RABGAP1L: variants seen among roughly 807,000 people sequenced by gnomAD.
RABGAP1L encodes RAB GTPase activating protein 1 like, also known as rab GTPase-activating protein 1-like.
RABGAP1L carries 63 observed loss-of-function variants against 137.7 expected under a neutral mutation model. That is an observed-to-expected ratio of 0.46 (90% CI 0.37 to 0.56). The LOEUF is 0.56. Among genes scored for constraint, RABGAP1L ranks in the 20% least tolerant of loss-of-function variants. The pLI is 0.00. For synonymous variants in RABGAP1L, 431 were observed against 433.7 expected (o/e 0.99, Z 0.08); for missense variants, 1,095 against 1,244.0 (o/e 0.88, Z 1.80).
At chr1:174,618,748 A>G (rs2148255872) in intron 13 of RABGAP1L, among the ~76,000 whole-genome samples, 1 of 152,266 alleles carries the variant, frequency 6.6e-6, no homozygotes, top group Admixed American at 6.5e-5. Flanking sequence ...TCCTCCTCCA[A>G]AAACGCAGCT....
At chr1:174,495,759 A>G (rs1362257344) in intron 13 of RABGAP1L, among the ~76,000 whole-genome samples, 1 of 152,220 alleles carries the variant, frequency 6.6e-6, no homozygotes, top group Non-Finnish European at 1.5e-5. Flanking sequence ...GGTAGATATT[A>G]CTTCAGTTCC....
chr1:174,553,542 A>G (rs1409197292), intron 13 of RABGAP1L, among the ~76,000 whole-genome samples: 4 of 152,162 alleles, frequency 2.6e-5, no homozygotes, highest in African/African-American at 9.7e-5. Flanking sequence ...TCTTCCAGAA[A>G]AGAGAAGAGG....
At position 174,220,984 on chromosome 1, in the gene RABGAP1L, G is replaced by A. The variant is rs751936854; in HGVS notation, c.151G>A (p.Gly51Ser). ...GCTGTGTCTGTAGATAGTTTCTAAT[G>A]GTGATGAACAATTGGAAAAAGCCAT... is the stretch of plus-strand genomic sequence containing the variant. ...EKPQLKIVSN[G>S]DEQLEKAMEE... Residue 51 changes from glycine (G) to serine (S), a missense_variant, in exon 3 of 26, where the codon GGT becomes AGT. By Grantham distance (56) the Gly-to-Ser change is moderately conservative. Around this residue, in one of 4 missense-constraint regions of RABGAP1L, gnomAD observed 356 missense variants for 326.3 expected, o/e 1.09. Coordinates refer to ENST00000681986, the MANE Select transcript of RABGAP1L (RefSeq NM_001366446.1). The A allele has an allele frequency of 2.5e-6, 4 of 1,609,648 alleles. No homozygotes were observed. In the South Asian group the frequency reaches 4.4e-5, roughly 18 times the overall value.
At chr1:174,346,149 G>C (rs544432020) in intron 11 of RABGAP1L, among the ~76,000 whole-genome samples, 1 of 152,170 alleles carries the variant, frequency 6.6e-6, no homozygotes, top group South Asian at 2.1e-4. Context: ...GGTTTGCCTA[G>C]CATTTTGTTG....
chr1:174,252,676 T>G lies in RABGAP1L; in HGVS notation c.986+86T>G, dbSNP rs565967999. Reference sequence around the variant, plus strand: ...TGCATTGCTCAGTGTGGCTTTTCACTATACTTCATTTTCTCCAATTAAAAA... The same window carrying G: ...TGCATTGCTCAGTGTGGCTTTTCACGATACTTCATTTTCTCCAATTAAAAA... On this transcript the variant is annotated intron_variant, in intron 7 of 25. Transcript: ENST00000681986. 2.5e-5 allele frequency: 38 copies of G among 1,505,492 alleles called. No homozygotes were observed. The African/African-American group carries it at 5.3e-4, about 21-fold the overall frequency. 93.3% of individuals were successfully genotyped at this position (1,505,492 alleles called of 1,614,324 possible).
chr1:174,647,327 T>C (rs904782807), intron 14 of RABGAP1L, among the ~76,000 whole-genome samples: 1 of 152,186 alleles, frequency 6.6e-6, no homozygotes, highest in African/African-American at 2.4e-5. Context: ...CCATTCAGTA[T>C]GATATTGGCT....
chr1:174,981,550 C>CTTTTT lies in RABGAP1L; in HGVS notation c.2734-1257_2734-1253dup, dbSNP rs10556099. Among the ~76,000 whole-genome samples the CTTTTT allele has an allele frequency of 6.8e-3, 455 of 66,456 alleles. 38 individuals carry two copies. The highest frequency in any genetic ancestry group is 0.019 in the African/African-American group (281 of 14,998). 43.6% of individuals were successfully genotyped at this position (66,456 alleles called of 152,430 possible). A position where few individuals can be genotyped will look rare whatever the true frequency, so the allele number is the denominator to read the frequency against. On this transcript the variant is annotated intron_variant, in intron 23 of 25. Transcript: ENST00000681986. ...AATTTCACATCCCCTGTTTTTCCATCTTTTTTTTTTTTTTTTTTTTTTTTT... is the reference window on the plus strand; with the variant it reads ...AATTTCACATCCCCTGTTTTTCCATCTTTTTTTTTTTTTTTTTTTTTTTTTTTTTT...
intron 18 of RABGAP1L, among the ~76,000 whole-genome samples, chr1:174,780,884 T>C (rs1477027476): frequency 1.3e-5 from 2 of 151,068 alleles, no homozygotes; most frequent in Non-Finnish European, 1.5e-5. Context: ...TCCATGTCCC[T>C]ACAAAGGACA....
intron 13 of RABGAP1L, among the ~76,000 whole-genome samples, chr1:174,624,511 G>C (rs1672794981): frequency 6.6e-6 from 1 of 152,080 alleles, no homozygotes; most frequent in African/African-American, 2.4e-5. Flanking sequence ...ATAAATATTT[G>C]AATGGGAAGT....
intron 13 of RABGAP1L, among the ~76,000 whole-genome samples, chr1:174,553,210 G>A (rs556313129): frequency 1.1e-4 from 16 of 152,058 alleles, no homozygotes; most frequent in Non-Finnish European, 1.9e-4. Context: ...TTGTTTTGCC[G>A]GGCAGAAGCT....
At chr1:174,485,753 G>A (rs1296291091) in intron 13 of RABGAP1L, among the ~76,000 whole-genome samples, 4 of 152,170 alleles carry the variant, frequency 2.6e-5, no homozygotes, top group South Asian at 2.1e-4. Flanking sequence ...GTGCTTTGCT[G>A]AGGATTTTTG....
chr1:174,247,111 CA>C (rs1202283672), intron 5 of RABGAP1L, among the ~76,000 whole-genome samples: 1 of 152,096 alleles, frequency 6.6e-6, no homozygotes, highest in Non-Finnish European at 1.5e-5. Context: ...GAAGCCTTGC[CA>C]GATGCTTTAG....
intron 13 of RABGAP1L, among the ~76,000 whole-genome samples, chr1:174,539,609 A>C (rs1206963948): frequency 6.6e-6 from 1 of 152,222 alleles, no homozygotes; most frequent in Non-Finnish European, 1.5e-5. Context: ...ATGTACCCAC[A>C]AAGGACATGA....
chr1:174,829,447 G>A (rs1180213110), intron 19 of RABGAP1L, among the ~76,000 whole-genome samples: 2 of 148,346 alleles, frequency 1.3e-5, no homozygotes, highest in African/African-American at 2.5e-5. Flanking sequence ...ATTCCAGACC[G>A]TTAAGACTTA....
intron 13 of RABGAP1L, among the ~76,000 whole-genome samples, chr1:174,398,801 C>T (rs930798304): frequency 4.1e-4 from 63 of 152,122 alleles, no homozygotes; most frequent in Admixed American, 4.1e-3. Flanking sequence ...GAGTAGAAAA[C>T]TACCTTTCTG....
rs530877458 is a variant in RABGAP1L at position 174,596,713 on chromosome 1, ATCTTATCTGAT to A, written c.1711-40659_1711-40649del. Among the ~76,000 whole-genome samples the A allele has an allele frequency of 7.2e-5, 11 of 152,176 alleles. No homozygotes were observed. The East Asian group carries it at 2.1e-3, about 29-fold the overall frequency. ...CAGTTTGGATGACCTTTATTTCTTT[ATCTTATCTGAT>A]TCCTTTAGCTAGGATTTCCAGGACT... On this transcript the variant is annotated intron_variant, in intron 13 of 25. Coordinates refer to ENST00000681986, the MANE Select transcript of RABGAP1L (RefSeq NM_001366446.1).
rs192209321 is a variant in RABGAP1L at position 174,828,800 on chromosome 1, A to G, written c.2340+16840A>G. ...GCTGTTATTTATTCTGACTCTGGCA[A>G]TTCCTACACTAGAGCACCACTGTTG... On this transcript the variant is annotated intron_variant, in intron 19 of 25. Coordinates refer to ENST00000681986, the MANE Select transcript of RABGAP1L (RefSeq NM_001366446.1). 2.5e-3 allele frequency among the ~76,000 whole-genome samples: 364 copies of G among 148,036 alleles called. 32 individuals carry two copies. The highest frequency in any genetic ancestry group is 5.9e-3 in the Admixed American group (87 of 14,804).
At chr1:174,440,712 T>G (rs1289448018) in intron 13 of RABGAP1L, among the ~76,000 whole-genome samples, 2 of 152,066 alleles carry the variant, frequency 1.3e-5, no homozygotes, top group Non-Finnish European at 2.9e-5. Context: ...TGCACCACCA[T>G]GCCTGGCTAA....
intron 18 of RABGAP1L, among the ~76,000 whole-genome samples, chr1:174,770,026 C>T (rs1685992392): frequency 6.6e-6 from 1 of 151,922 alleles, no homozygotes; most frequent in Non-Finnish European, 1.5e-5. Context: ...ATTCATGTTA[C>T]AAAAATAGAA....
Sources: gnomAD v4.1 joint callset for allele counts (sites outside exome capture counted in the v4.1 genomes callset) on GRCh38, gnomAD v4.1.1 for gene constraint, gnomAD v4.1.1 regional missense constraint, MANE v1.5 for transcripts, NCBI Gene and HGNC (gene_info 2026-07-23, HGNC 2026-07-21) for gene names.